The following EXOC4 variants were observed in gnomAD, a reference collection of about 807,000 sequenced individuals.
EXOC4 encodes the protein exocyst complex component 4.
A neutral mutation model predicts 107.2 loss-of-function variants in EXOC4; 71 were observed. The ratio of observed to expected loss-of-function variants is 0.66; its 90% CI spans 0.55 to 0.81. The LOEUF (loss-of-function observed/expected upper bound fraction) is 0.81. Among genes scored for constraint, EXOC4 ranks in the 30% least tolerant of loss-of-function variants. The pLI is 0.00. For synonymous variants in EXOC4, 456 were observed against 441.2 expected, an observed-to-expected ratio of 1.03 and a Z score of -0.42; for missense variants, 1,108 against 1,189.6, an observed-to-expected ratio of 0.93 and a Z score of 1.01.
At chr7:133,276,220 C>G (rs1793988058) in intron 2 of EXOC4, among the ~76,000 whole-genome samples, 2 of 151,842 alleles carry the variant, frequency 1.3e-5, no homozygotes, top group African/African-American at 4.8e-5. Context: ...GGGTCTATGC[C>G]TTTAGTACCT....
chr7:134,038,919 C>T (rs984663062), intron 17 of EXOC4, among the ~76,000 whole-genome samples: 4 of 152,216 alleles, frequency 2.6e-5, no homozygotes, highest in African/African-American at 4.8e-5. Flanking sequence ...TCTCAAAGCA[C>T]TCCAAATGCA....
At chr7:134,009,651 C>T (rs1012471418) in intron 17 of EXOC4, among the ~76,000 whole-genome samples, 7 of 152,088 alleles carry the variant, frequency 4.6e-5, no homozygotes, top group Admixed American at 1.3e-4. Context: ...GGGGAATGAT[C>T]TCATTATTGA....
intron 10 of EXOC4, among the ~76,000 whole-genome samples, chr7:133,767,881 A>C (rs1231497579): frequency 1.3e-5 from 2 of 152,062 alleles, no homozygotes; most frequent in African/African-American, 4.8e-5. Context: ...AGGAGTTCAT[A>C]GTCTGGTAGA....
intron 14 of EXOC4, among the ~76,000 whole-genome samples, chr7:133,977,742 G>T (rs60186948): frequency 0.083 from 1,247 of 15,020 alleles, 14 homozygotes; most frequent in East Asian, 0.38. Context: ...GTTGTTTTGT[G>T]TGTGTGTGTG....
intron 14 of EXOC4, among the ~76,000 whole-genome samples, chr7:133,965,410 A>G (rs1463415673): frequency 6.6e-6 from 1 of 152,138 alleles, no homozygotes; most frequent in Non-Finnish European, 1.5e-5. Flanking sequence ...GCCAATGCCT[A>G]TGTCCTGAAT....
chr7:133,268,890 A>G (rs1793799552), intron 1 of EXOC4, among the ~76,000 whole-genome samples: 1 of 152,204 alleles, frequency 6.6e-6, no homozygotes, highest in Non-Finnish European at 1.5e-5. Context: ...ATCATGCAAA[A>G]TATCAGAGCT....
chr7:133,610,207 T>A (rs1225009974), intron 9 of EXOC4, among the ~76,000 whole-genome samples: 1 of 152,236 alleles, frequency 6.6e-6, no homozygotes, highest in East Asian at 1.9e-4. Context: ...GGTTCCTGAC[T>A]TAATATTTAT....
At chr7:134,025,087 G>T (rs1450076672) in intron 17 of EXOC4, among the ~76,000 whole-genome samples, 1 of 152,146 alleles carries the variant, frequency 6.6e-6, no homozygotes, top group African/African-American at 2.4e-5. Context: ...TCTTGGAGTT[G>T]CCCAGTACCC....
Position 133,895,694 on chromosome 7 carries a change from G to T in EXOC4, c.1830G>T (p.Val610=). 6.2e-7 allele frequency: 1 copy of T among 1,613,900 alleles called. No homozygotes were observed. The highest frequency in any genetic ancestry group is 8.5e-7 in the Non-Finnish European group (1 of 1,179,926). Reference sequence around the variant, plus strand: ...ATCAATTCCTCAACATGGTGTGCGTGAAGCTCCAGGAGTACAAGGACACCT... The same window carrying T: ...ATCAATTCCTCAACATGGTGTGCGTTAAGCTCCAGGAGTACAAGGACACCT... ...YSDQFLNMVC[V]KLQEYKDTCT... Residue 610 remains valine, a synonymous_variant, in exon 12 of 18, where the codon GTG becomes GTT. Coordinates refer to ENST00000253861, the MANE Select transcript of EXOC4 (RefSeq NM_021807.4).
At chr7:133,465,539 C>A (rs1039629838) in intron 7 of EXOC4, among the ~76,000 whole-genome samples, 2 of 152,086 alleles carry the variant, frequency 1.3e-5, no homozygotes, top group African/African-American at 4.8e-5. Context: ...CTATTAACCA[C>A]CCTGATTTAA....
intron 6 of EXOC4, among the ~76,000 whole-genome samples, chr7:133,362,859 A>G (rs1232406280): frequency 1.3e-5 from 2 of 152,208 alleles, no homozygotes; most frequent in East Asian, 3.8e-4. Context: ...CCCTTCTTCT[A>G]AGTATCCGAA....
At chr7:133,601,826 T>C (rs945875450) in intron 9 of EXOC4, 2 of 152,428 alleles carry the variant, frequency 1.3e-5, no homozygotes, top group Admixed American at 6.5e-5. Flanking sequence ...GAGCTACTGG[T>C]GGAGTTAAGT....
intron 12 of EXOC4, 150 bp downstream of exon 12, chr7:133,895,885 G>T: frequency 1.2e-6 from 1 of 807,786 alleles, no homozygotes; most frequent in Non-Finnish European, 1.9e-6. Flanking sequence ...TAGCCTCCTA[G>T]ACCTTTGTGT....
At chr7:133,681,148 G>A (rs576388037) in intron 10 of EXOC4, among the ~76,000 whole-genome samples, 18 of 152,202 alleles carry the variant, frequency 1.2e-4, no homozygotes, top group African/African-American at 2.9e-4. Flanking sequence ...TTTCAGCCCC[G>A]TCTCCTTTGA....
At chr7:133,591,507 G>GT (rs1236660875) in intron 9 of EXOC4, among the ~76,000 whole-genome samples, 1 of 151,962 alleles carries the variant, frequency 6.6e-6, no homozygotes, top group African/African-American at 2.4e-5. Context: ...CCCATGCATA[G>GT]TTTTTTCATA....
chr7:133,858,267 C>G (rs1000133571), intron 11 of EXOC4, among the ~76,000 whole-genome samples: 3 of 152,278 alleles, frequency 2.0e-5, no homozygotes, highest in Admixed American at 6.5e-5. Flanking sequence ...CAGAACAGCT[C>G]TCAGCAGAGA....
intron 13 of EXOC4, among the ~76,000 whole-genome samples, chr7:133,925,716 A>G (rs1049836103): frequency 1.2e-4 from 18 of 152,322 alleles, no homozygotes; most frequent in African/African-American, 3.8e-4. Context: ...ATAAAGGTCA[A>G]GCAATATATA....
chr7:133,673,967 G>A (rs775680674), intron 10 of EXOC4, among the ~76,000 whole-genome samples: 41 of 152,222 alleles, frequency 2.7e-4, no homozygotes, highest in Non-Finnish European at 5.1e-4. Context: ...ATGAGGAAGA[G>A]CAGATGCTAG....
intron 7 of EXOC4, among the ~76,000 whole-genome samples, chr7:133,392,363 C>T (rs918609116): frequency 2.0e-5 from 3 of 152,174 alleles, no homozygotes; most frequent in Non-Finnish European, 4.4e-5. Context: ...CTGAGGTTGA[C>T]CTGGTACCAT....
Sources: allele counts gnomAD v4.1 joint callset (sites outside exome capture counted in the v4.1 genomes callset), GRCh38; gene constraint gnomAD v4.1.1; transcripts MANE v1.5; gene names NCBI Gene and HGNC (gene_info 2026-07-23, HGNC 2026-07-21).